The following SCMH1 variants were observed in gnomAD, a reference collection of about 807,000 sequenced individuals.
The protein encoded by SCMH1 is Scm polycomb group protein homolog 1.
SCMH1 carries 37 observed loss-of-function variants against 70.8 expected under a neutral mutation model. The observed-to-expected ratio is 0.52, with a 90% confidence interval of 0.40 to 0.69. SCMH1 has a LOEUF of 0.69. SCMH1 is among the 30% of genes least tolerant of loss of function. The pLI, the probability that SCMH1 is intolerant of heterozygous loss-of-function variation, is 0.00. For synonymous variants in SCMH1, 292 were observed against 307.4 expected (o/e 0.95, Z 0.52); for missense variants, 607 against 827.3 (o/e 0.73, Z 3.27).
At chr1:41,154,677 C>T (rs536486315) in intron 4 of SCMH1, among the ~76,000 whole-genome samples, 2 of 152,256 alleles carry the variant, frequency 1.3e-5, no homozygotes, top group Non-Finnish European at 2.9e-5. Flanking sequence ...GATTGCAGAA[C>T]ATGAAAATCT....
chr1:41,161,527 T>A, intron 2 of SCMH1, 95 bp from the exon 3 acceptor site: 1 of 1,331,750 alleles, frequency 7.5e-7, no homozygotes, highest in Non-Finnish European at 1.0e-6. Context: ...TTTAATAAAG[T>A]AATCCACTTC....
chr1:41,106,022 A>T (rs1572168983), intron 8 of SCMH1, among the ~76,000 whole-genome samples: 1 of 151,236 alleles, frequency 6.6e-6, no homozygotes, highest in East Asian at 1.9e-4. Context: ...TTACAGGTGC[A>T]CGCCACCATG....
intron 6 of SCMH1, among the ~76,000 whole-genome samples, chr1:41,119,739 T>C (rs989267485): frequency 6.6e-6 from 1 of 152,170 alleles, no homozygotes; most frequent in East Asian, 1.9e-4. Flanking sequence ...AAAGCCAAAG[T>C]ACAGCATGGG....
At chr1:41,104,841 T>C (rs966814316) in intron 8 of SCMH1, among the ~76,000 whole-genome samples, 4 of 152,302 alleles carry the variant, frequency 2.6e-5, no homozygotes, top group Admixed American at 2.6e-4. Flanking sequence ...GGTGTACATG[T>C]GTTTAGTAAC....
chr1:41,214,632 A>T lies in SCMH1; in HGVS notation c.-118+27427T>A, dbSNP rs144032210. ...ACAACTGTTCACATTATTCTTATTA[A>T]ATAGTTGCAGGATGGAGGCAGAACA... On this transcript the variant is annotated intron_variant, in intron 1 of 14. Coordinates refer to ENST00000337495, the Ensembl canonical transcript of SCMH1. Among the ~76,000 whole-genome samples, 379 of 152,268 alleles carry T rather than the reference A, an allele frequency of 2.5e-3. 2 individuals are homozygous for T. The highest frequency in any genetic ancestry group is 4.9e-3 in the Admixed American group (75 of 15,286).
chr1:41,167,912 GT>G (rs1168969984), intron 2 of SCMH1, among the ~76,000 whole-genome samples: 1,859 of 27,102 alleles, frequency 0.069, 34 homozygotes, highest in African/African-American at 0.28. Context: ...GCAGTGTTTT[GT>G]TTTTTTTTTT....
intron 2 of SCMH1, among the ~76,000 whole-genome samples, chr1:41,185,017 A>C (rs1476699915): frequency 1.3e-5 from 2 of 152,218 alleles, no homozygotes; most frequent in African/African-American, 4.8e-5. Flanking sequence ...GGTCAATACA[A>C]TGAATCAATG....
At chr1:41,058,375 C>CTTTTTTT (rs1252087982) in intron 10 of SCMH1, among the ~76,000 whole-genome samples, 12 of 38,982 alleles carry the variant, frequency 3.1e-4, no homozygotes, top group South Asian at 1.2e-3. Flanking sequence ...CATTTTCTTT[C>CTTTTTTT]TTGTTTTTTT....
chr1:41,087,915 C>G (rs938181156), intron 8 of SCMH1, among the ~76,000 whole-genome samples: 15 of 40,764 alleles, frequency 3.7e-4, no homozygotes, highest in African/African-American at 6.3e-4. Context: ...ATATAATAAT[C>G]TATACACTAT....
At chr1:41,051,101 A>G (rs920141409) in intron 10 of SCMH1, among the ~76,000 whole-genome samples, 2 of 152,224 alleles carry the variant, frequency 1.3e-5, no homozygotes, top group South Asian at 2.1e-4. Context: ...ATTGTGGTAC[A>G]GTCATATGCC....
At chr1:41,090,855 C>A (rs971192673) in intron 8 of SCMH1, among the ~76,000 whole-genome samples, 7 of 151,738 alleles carry the variant, frequency 4.6e-5, no homozygotes, top group Non-Finnish European at 1.0e-4. Flanking sequence ...CTGGCTAACA[C>A]GGTGAAACCC....
At chr1:41,029,118 TC>T (rs1644154835) in intron 13 of SCMH1, among the ~76,000 whole-genome samples, 1 of 152,024 alleles carries the variant, frequency 6.6e-6, no homozygotes, top group Admixed American at 6.6e-5. Flanking sequence ...TAGAGACAAA[TC>T]CTTGGCACGT....
At position 41,176,536 on chromosome 1, in the gene SCMH1, C is replaced by T. The variant is rs369985416; in HGVS notation, c.13+9585G>A. On this transcript the variant is annotated intron_variant, in intron 2 of 14. Coordinates refer to ENST00000337495, the Ensembl canonical transcript of SCMH1. ...GGGTGACAGACGGCACCTGGAAAAT[C>T]GGGTCACTCCCATCCTAATACTGCG... Among the ~76,000 whole-genome samples the T allele has an allele frequency of 9.8e-5, 15 of 152,326 alleles. No individual in the cohort carries two copies. In the South Asian group the frequency reaches 3.1e-3, roughly 32 times the overall value.
rs767575697 is a variant in SCMH1 at position 41,113,356 on chromosome 1, G to A, written c.672C>T (p.Phe224=). ...CCACAGGGAAGATGTCTCGGGAGTCGAAGCGGCACCAGTAGTCAAAGGCCC... is the reference window on the plus strand; with the variant it reads ...CCACAGGGAAGATGTCTCGGGAGTCAAAGCGGCACCAGTAGTCAAAGGCCC... Residue 224 remains phenylalanine (F), a synonymous_variant, in exon 8 of 15, where the codon TTC becomes TTT. Transcript: ENST00000337495. The surrounding 1 kb of genome is among the most constrained non-coding windows in gnomAD (Gnocchi z 4.3). 3.6e-5 allele frequency: 58 copies of A among 1,613,888 alleles called. No individual in the cohort carries two copies. The highest frequency in any genetic ancestry group is 4.7e-5 in the Non-Finnish European group (55 of 1,179,970).
chr1:41,099,504 C>T (rs1046734627), intron 8 of SCMH1, among the ~76,000 whole-genome samples: 3 of 152,180 alleles, frequency 2.0e-5, no homozygotes, highest in African/African-American at 2.4e-5. Context: ...ATTTACCTAA[C>T]GGTTATCTCT....
intron 1 of SCMH1, among the ~76,000 whole-genome samples, chr1:41,216,136 C>A (rs1188678358): frequency 6.6e-6 from 1 of 152,098 alleles, no homozygotes; most frequent in Non-Finnish European, 1.5e-5. Flanking sequence ...AAATGACAGC[C>A]CTGGCAACTA....
intron 1 of SCMH1, among the ~76,000 whole-genome samples, chr1:41,207,579 T>C (rs1277506170): frequency 1.3e-5 from 2 of 152,130 alleles, no homozygotes; most frequent in Admixed American, 1.3e-4. Flanking sequence ...TAGACTCCCA[T>C]ACAATAATAA....
intron 8 of SCMH1, among the ~76,000 whole-genome samples, chr1:41,103,184 T>A (rs1446371414): frequency 1.3e-5 from 2 of 151,826 alleles, no homozygotes; most frequent in Non-Finnish European, 2.9e-5. Flanking sequence ...CAGGTTGGAG[T>A]GCAGTGGCAT....
intron 1 of SCMH1, among the ~76,000 whole-genome samples, chr1:41,240,976 T>C (rs1236473030): frequency 6.6e-6 from 1 of 152,118 alleles, no homozygotes. Flanking sequence ...CTGAAGAAAG[T>C]GGAAGTGAAG....
Sources: gnomAD v4.1 joint callset for allele counts (sites outside exome capture counted in the v4.1 genomes callset) on GRCh38, gnomAD v4.1.1 for gene constraint, Gnocchi (gnomAD v3.1) non-coding constraint, MANE v1.5 for transcripts, NCBI Gene and HGNC (gene_info 2026-07-23, HGNC 2026-07-21) for gene names.